Variants in TOX3 observed in about 807,000 individuals in gnomAD.
TOX3 encodes the protein TOX high mobility group box family member 3.
A neutral mutation model predicts 64.3 loss-of-function variants in TOX3; 22 were observed. That is an observed-to-expected ratio of 0.34 (90% CI 0.24 to 0.49). The LOEUF is 0.49. TOX3 is among the 20% of genes least tolerant of loss of function. TOX3 has a pLI of 0.99. For synonymous variants in TOX3, 291 were observed against 273.6 expected, an observed-to-expected ratio of 1.06 and a Z score of -0.63; for missense variants, 661 against 714.4, an observed-to-expected ratio of 0.93 and a Z score of 0.85.
intron 1 of TOX3, among the ~76,000 whole-genome samples, chr16:52,468,917 C>G (rs1960948646): frequency 6.6e-6 from 1 of 152,132 alleles, no homozygotes; most frequent in Non-Finnish European, 1.5e-5. Flanking sequence ...AGAAAATCAC[C>G]TTGACACATT....
At chr16:52,542,354 T>A (rs946552685) in intron 1 of TOX3, among the ~76,000 whole-genome samples, 3 of 152,214 alleles carry the variant, frequency 2.0e-5, no homozygotes, top group African/African-American at 7.2e-5. Flanking sequence ...CATCTACATA[T>A]GAATTTAAGA....
intron 5 of TOX3, chr16:52,444,789 A>G (rs1259819064): frequency 6.5e-6 from 1 of 153,588 alleles, no homozygotes; most frequent in African/African-American, 2.4e-5. Flanking sequence ...ATACCTTTCT[A>G]AACTATACCA....
chr16:52,489,243 G>A (rs555450988), intron 1 of TOX3, among the ~76,000 whole-genome samples: 10 of 152,182 alleles, frequency 6.6e-5, no homozygotes, highest in African/African-American at 2.4e-4. Context: ...CACCCTTAGA[G>A]TTAGGGGAGC....
At chr16:52,453,166 T>G (rs1960407657) in intron 3 of TOX3, among the ~76,000 whole-genome samples, 1 of 150,110 alleles carries the variant, frequency 6.7e-6, no homozygotes, top group Admixed American at 6.7e-5. Flanking sequence ...AATTTTCGTC[T>G]TCATATATGT....
At chr16:52,503,226 C>T (rs974956643) in intron 1 of TOX3, among the ~76,000 whole-genome samples, 1 of 152,014 alleles carries the variant, frequency 6.6e-6, no homozygotes, top group African/African-American at 2.4e-5. Context: ...AAAGAGCAAG[C>T]CTTGGGCTAT....
At chr16:52,524,995 C>A (rs11642645) in intron 1 of TOX3, among the ~76,000 whole-genome samples, 72,634 of 151,652 alleles carry the variant, frequency 0.48, 17,544 homozygotes, top group Middle Eastern at 0.59. Context: ...CTACTTTGTT[C>A]TATTCTGATT....
rs1391842329 is a variant in TOX3 at position 52,438,693 on chromosome 16, T to C, written c.*532A>G. 1 of 169,840 alleles carries C rather than the reference T, an allele frequency of 5.9e-6. No homozygotes were observed. The highest frequency in any genetic ancestry group is 1.3e-5 in the Non-Finnish European group (1 of 78,546). 10.5% of individuals were successfully genotyped at this position (169,840 alleles called of 1,614,324 possible). A position where few individuals can be genotyped will look rare whatever the true frequency, so the allele number is the denominator to read the frequency against. On this transcript the variant is annotated 3_prime_UTR_variant, in exon 7 of 7. Transcript: ENST00000219746. ...AAAAAAATAAGAGCTTTGGCAAAAG[T>C]CTGTGATTTACATTATTTTTTTCAT...
At chr16:52,518,550 G>A (rs745479309) in intron 1 of TOX3, among the ~76,000 whole-genome samples, 40 of 152,118 alleles carry the variant, frequency 2.6e-4, no homozygotes, top group Non-Finnish European at 3.8e-4. Context: ...TTAATAAAAC[G>A]TCTTCTCTAT....
chr16:52,523,189 T>C (rs1962648287), intron 1 of TOX3, among the ~76,000 whole-genome samples: 1 of 152,068 alleles, frequency 6.6e-6, no homozygotes, highest in African/African-American at 2.4e-5. Context: ...AATGAACAAT[T>C]GAGCCATGCA....
At chr16:52,486,274 G>A (rs1961529930) in intron 1 of TOX3, among the ~76,000 whole-genome samples, 1 of 152,138 alleles carries the variant, frequency 6.6e-6, no homozygotes, top group South Asian at 2.1e-4. Flanking sequence ...GGGCAGCAAG[G>A]GATGTGGAAG....
At chr16:52,518,229 T>C (rs1247947414) in intron 1 of TOX3, among the ~76,000 whole-genome samples, 1 of 152,210 alleles carries the variant, frequency 6.6e-6, no homozygotes, top group Non-Finnish European at 1.5e-5. Context: ...TTTATTTGAT[T>C]CTCAATAATT....
chr16:52,497,222 T>G (rs1395759004), intron 1 of TOX3, among the ~76,000 whole-genome samples: 1 of 152,206 alleles, frequency 6.6e-6, no homozygotes, highest in African/African-American at 2.4e-5. Context: ...TAGGCCTGTT[T>G]CAGCCCTGCT....
intron 1 of TOX3, among the ~76,000 whole-genome samples, chr16:52,538,803 C>T (rs2151489683): frequency 6.6e-6 from 1 of 152,220 alleles, no homozygotes; most frequent in East Asian, 1.9e-4. Context: ...AAGCATGAAA[C>T]ATATTTAAGA....
In TOX3 at chr16:52,438,377, A is replaced by G. The variant is rs1311497279; in HGVS notation, c.*848T>C. ...TTCTACTGGTATTACATCATAATAA[A>G]AACTCTTGCTTTTTCTTTTTAAATC... On this transcript the variant is annotated 3_prime_UTR_variant, in exon 7 of 7. Coordinates refer to ENST00000219746, the MANE Select transcript of TOX3 (RefSeq NM_001080430.4). The G allele has an allele frequency of 6.6e-6, 1 of 152,656 alleles. No individual in the cohort carries two copies. The highest frequency in any genetic ancestry group is 1.5e-5 in the Non-Finnish European group (1 of 68,042). The allele number at this position is 152,656 out of a possible 1,614,324, so 9.5% of individuals were successfully genotyped here.
chr16:52,491,930 G>A (rs1310974300), intron 1 of TOX3, among the ~76,000 whole-genome samples: 1 of 151,958 alleles, frequency 6.6e-6, no homozygotes, highest in Non-Finnish European at 1.5e-5. Context: ...AAGTACCACG[G>A]CCACAGATGA....
chr16:52,462,398 T>C (rs1446255740), intron 3 of TOX3, among the ~76,000 whole-genome samples: 1 of 152,138 alleles, frequency 6.6e-6, no homozygotes, highest in Admixed American at 6.5e-5. Context: ...AAATGAAATT[T>C]CATAGTCAAA....
chr16:52,482,186 G>A (rs1255083899), intron 1 of TOX3, among the ~76,000 whole-genome samples: 3 of 152,076 alleles, frequency 2.0e-5, no homozygotes, highest in African/African-American at 7.2e-5. Context: ...AATTTCAATC[G>A]GGCGTTCAGC....
chr16:52,458,566 C>T (rs972971107), intron 3 of TOX3, among the ~76,000 whole-genome samples: 3 of 152,184 alleles, frequency 2.0e-5, no homozygotes, highest in Non-Finnish European at 4.4e-5. Context: ...AAATAAACCA[C>T]AGCCAGCCTT....
chr16:52,461,283 C>A (rs180785367), intron 3 of TOX3, among the ~76,000 whole-genome samples: 1 of 152,098 alleles, frequency 6.6e-6, no homozygotes, highest in Non-Finnish European at 1.5e-5. Flanking sequence ...CACGTATTCA[C>A]GACAAGCAAA....
Sources: gnomAD v4.1 joint callset for allele counts (sites outside exome capture counted in the v4.1 genomes callset) on GRCh38, gnomAD v4.1.1 for gene constraint, MANE v1.5 for transcripts, NCBI Gene and HGNC (gene_info 2026-07-23, HGNC 2026-07-21) for gene names.